The following CSMD1 variants were observed in gnomAD, a reference collection of about 807,000 sequenced individuals.
The protein encoded by CSMD1 is CUB and sushi domain-containing protein 1.
Under a neutral mutation model 417.5 loss-of-function variants are expected in CSMD1, and 213 were observed. The ratio of observed to expected loss-of-function variants is 0.51; its 90% CI spans 0.46 to 0.57. The LOEUF is 0.57. Among genes scored for constraint, CSMD1 ranks in the 20% least tolerant of loss-of-function variants. The pLI, the probability that CSMD1 is intolerant of heterozygous loss-of-function variation, is 0.00. For missense variants in CSMD1, 6,923 were observed against 4,529.7 expected (o/e 1.53, Z -15.17); for synonymous variants, 2,862 against 1,736.8 (o/e 1.65, Z -16.11).
At chr8:4,365,967 G>C (rs1041457875) in intron 3 of CSMD1, among the ~76,000 whole-genome samples, 5 of 152,052 alleles carry the variant, frequency 3.3e-5, no homozygotes, top group African/African-American at 1.2e-4. Flanking sequence ...TCCACGTACA[G>C]GTTTGTTCAT....
At chr8:4,582,799 A>G (rs910863118) in intron 2 of CSMD1, among the ~76,000 whole-genome samples, 2 of 151,976 alleles carry the variant, frequency 1.3e-5, no homozygotes, top group African/African-American at 4.8e-5. Flanking sequence ...GCCGGAGCCC[A>G]CTCCCTCAGC....
intron 5 of CSMD1, among the ~76,000 whole-genome samples, chr8:3,938,381 T>C (rs1453006955): frequency 1.3e-5 from 2 of 152,164 alleles, no homozygotes; most frequent in African/African-American, 4.8e-5. Flanking sequence ...ATATGCTGAA[T>C]GCAATCGGTG....
At chr8:4,664,915 C>T (rs1366247635) in intron 1 of CSMD1, among the ~76,000 whole-genome samples, 2 of 152,140 alleles carry the variant, frequency 1.3e-5, no homozygotes, top group East Asian at 1.9e-4. Context: ...ACATAAAAAA[C>T]TTGCATTAGG....
At chr8:3,945,763 C>G (rs781515899) in intron 5 of CSMD1, among the ~76,000 whole-genome samples, 1 of 152,032 alleles carries the variant, frequency 6.6e-6, no homozygotes, top group Admixed American at 6.6e-5. Context: ...TGGGCTGGAA[C>G]TGGAGATATG....
chr8:4,276,145 C>G (rs185698256), intron 3 of CSMD1, among the ~76,000 whole-genome samples: 2 of 152,252 alleles, frequency 1.3e-5, no homozygotes, highest in Non-Finnish European at 2.9e-5. Flanking sequence ...GGTTATAAAT[C>G]ATTATGCTAT....
intron 27 of CSMD1, among the ~76,000 whole-genome samples, chr8:3,225,318 C>G (rs142074058): frequency 6.6e-6 from 1 of 151,634 alleles, no homozygotes; most frequent in African/African-American, 2.4e-5. Context: ...ATAAATTCCA[C>G]AGATATACGT....
chr8:4,324,469 T>C (rs932604463), intron 3 of CSMD1, among the ~76,000 whole-genome samples: 1 of 152,198 alleles, frequency 6.6e-6, no homozygotes, highest in Non-Finnish European at 1.5e-5. Flanking sequence ...CAAGCTTCTT[T>C]TCTGAAATCT....
intron 2 of CSMD1, among the ~76,000 whole-genome samples, chr8:4,452,949 G>T (rs1055793372): frequency 1.3e-5 from 2 of 152,110 alleles, no homozygotes; most frequent in Non-Finnish European, 2.9e-5. Flanking sequence ...AAATAGCGTT[G>T]ATTTTTCAAT....
At chr8:4,371,536 C>T (rs1184309535) in intron 3 of CSMD1, among the ~76,000 whole-genome samples, 1 of 152,056 alleles carries the variant, frequency 6.6e-6, no homozygotes, top group Non-Finnish European at 1.5e-5. Context: ...GAGACAATAT[C>T]GTTATAAATT....
chr8:3,515,602 C>CT (rs1468940469), intron 10 of CSMD1, among the ~76,000 whole-genome samples: 3 of 152,194 alleles, frequency 2.0e-5, no homozygotes, highest in African/African-American at 7.2e-5. Flanking sequence ...CAACAGAAAA[C>CT]TTATTACTGT....
chr8:4,455,573 G>C (rs529425643), intron 2 of CSMD1, among the ~76,000 whole-genome samples: 7 of 152,050 alleles, frequency 4.6e-5, no homozygotes, highest in African/African-American at 1.7e-4. Flanking sequence ...CTGCTTGTGA[G>C]ATCAAATTGA....
chr8:4,901,035 A>T (rs570223201), intron 1 of CSMD1, among the ~76,000 whole-genome samples: 1 of 152,356 alleles, frequency 6.6e-6, no homozygotes, highest in South Asian at 2.1e-4. Context: ...TGTTCAACAA[A>T]TTAAACTATT....
chr8:3,444,119 C>T (rs779345398), intron 12 of CSMD1, among the ~76,000 whole-genome samples: 3 of 151,906 alleles, frequency 2.0e-5, no homozygotes, highest in African/African-American at 7.3e-5. Flanking sequence ...GTGAAAGGGC[C>T]CAGAAAGAAC....
At chr8:4,702,550 G>T (rs938276655) in intron 1 of CSMD1, among the ~76,000 whole-genome samples, 5 of 152,144 alleles carry the variant, frequency 3.3e-5, no homozygotes, top group African/African-American at 1.2e-4. Context: ...AGACATTCAT[G>T]AATTATAAAT....
chr8:3,366,153 G>T (rs186931729), intron 20 of CSMD1, among the ~76,000 whole-genome samples: 1 of 152,120 alleles, frequency 6.6e-6, no homozygotes, highest in Non-Finnish European at 1.5e-5. Context: ...AACCCTCTTC[G>T]TCCAAAGCAT....
intron 23 of CSMD1, among the ~76,000 whole-genome samples, chr8:3,319,616 G>C (rs1373877500): frequency 1.3e-5 from 2 of 151,968 alleles, no homozygotes; most frequent in Admixed American, 6.6e-5. Flanking sequence ...AGAAACATGA[G>C]AGTTTCTGTG....
intron 2 of CSMD1, among the ~76,000 whole-genome samples, chr8:4,521,925 T>C (rs1056860908): frequency 2.6e-5 from 4 of 152,214 alleles, no homozygotes. Context: ...AGAAGATGTG[T>C]ACATTTTAAG....
At chr8:4,858,484 T>G (rs1387480955) in intron 1 of CSMD1, among the ~76,000 whole-genome samples, 18 of 151,448 alleles carry the variant, frequency 1.2e-4, no homozygotes, top group East Asian at 5.8e-4. Flanking sequence ...TGTCCCTGTT[T>G]GCAGACGACA....
chr8:3,827,352 C>A (rs1365670178), intron 5 of CSMD1, among the ~76,000 whole-genome samples: 1 of 152,150 alleles, frequency 6.6e-6, no homozygotes, highest in African/African-American at 2.4e-5. Context: ...CTATAGACAA[C>A]AATTTAAAAG....
Sources: allele counts gnomAD v4.1 joint callset (sites outside exome capture counted in the v4.1 genomes callset), GRCh38; gene constraint gnomAD v4.1.1; transcripts MANE v1.5; gene names NCBI Gene and HGNC (gene_info 2026-07-23, HGNC 2026-07-21).